The following ASIC2 variants were observed in gnomAD, a reference collection of about 807,000 sequenced individuals.
ASIC2 encodes acid sensing ion channel subunit 2.
In ASIC2, 25 loss-of-function variants were observed where a neutral mutation model predicts 57.3. The ratio of observed to expected loss-of-function variants is 0.44; its 90% CI spans 0.32 to 0.61. ASIC2 has a LOEUF of 0.61. ASIC2 is among the 20% of genes least tolerant of loss of function. ASIC2 has a pLI of 0.06. For missense variants in ASIC2, 641 were observed against 738.1 expected (o/e 0.87, Z 1.52); for synonymous variants, 319 against 307.5 (o/e 1.04, Z -0.39).
At chr17:33,380,762 T>C (rs1909459643) in intron 1 of ASIC2, among the ~76,000 whole-genome samples, 1 of 152,212 alleles carries the variant, frequency 6.6e-6, no homozygotes, top group East Asian at 1.9e-4. Context: ...GGTCTGCATT[T>C]TTAAAAGGCG....
At chr17:33,514,952 C>T (rs1288611275) in intron 1 of ASIC2, among the ~76,000 whole-genome samples, 1 of 152,228 alleles carries the variant, frequency 6.6e-6, no homozygotes, top group African/African-American at 2.4e-5. Flanking sequence ...TTCTTTCTCA[C>T]CTCCTGCCAA....
chr17:33,200,095 G>A (rs575255455), intron 1 of ASIC2, among the ~76,000 whole-genome samples: 136 of 152,214 alleles, frequency 8.9e-4, no homozygotes, highest in African/African-American at 3.2e-3. Flanking sequence ...TTTACCCTTA[G>A]GGGAAGCTGA....
intron 1 of ASIC2, among the ~76,000 whole-genome samples, chr17:34,116,764 T>C (rs1020271356): frequency 2.0e-5 from 3 of 152,170 alleles, no homozygotes; most frequent in Non-Finnish European, 4.4e-5. Flanking sequence ...CATGATTCTG[T>C]TAAGAATCTT....
At chr17:33,828,498 G>T (rs1183441865) in intron 1 of ASIC2, 2 of 152,168 alleles carry the variant, frequency 1.3e-5, no homozygotes, top group East Asian at 3.9e-4. Flanking sequence ...ACACAAGAAA[G>T]AGGTAAGATT....
chr17:34,097,871 C>T (rs1910603499), intron 1 of ASIC2, among the ~76,000 whole-genome samples: 1 of 152,072 alleles, frequency 6.6e-6, no homozygotes, highest in African/African-American at 2.4e-5. Context: ...TCTGAGGCCC[C>T]AGAATTAACA....
At chr17:33,963,606 T>C (rs1567770939) in intron 1 of ASIC2, among the ~76,000 whole-genome samples, 3 of 151,944 alleles carry the variant, frequency 2.0e-5, no homozygotes, top group African/African-American at 7.2e-5. Flanking sequence ...AATTATGTTA[T>C]TGTTATATTA....
At chr17:34,099,426 A>C (rs1406584558) in intron 1 of ASIC2, among the ~76,000 whole-genome samples, 1 of 136,192 alleles carries the variant, frequency 7.3e-6, no homozygotes, top group Non-Finnish European at 1.6e-5. Context: ...AAAGAATGAA[A>C]GAAAGAAGAA....
intron 1 of ASIC2, among the ~76,000 whole-genome samples, chr17:33,334,367 C>A (rs574386391): frequency 2.9e-4 from 44 of 152,284 alleles, no homozygotes; most frequent in Non-Finnish European, 5.6e-4. Flanking sequence ...CTGCCTGGAT[C>A]CAGAGCTCAT....
chr17:33,446,067 A>G (rs1471616714), intron 1 of ASIC2, among the ~76,000 whole-genome samples: 1 of 151,938 alleles, frequency 6.6e-6, no homozygotes, highest in Non-Finnish European at 1.5e-5. Context: ...TGACTGGAAG[A>G]TGGAGTAGGA....
chr17:33,325,256 A>G (rs1361480947), intron 1 of ASIC2, among the ~76,000 whole-genome samples: 1 of 152,214 alleles, frequency 6.6e-6, no homozygotes, highest in East Asian at 1.9e-4. Context: ...ACTGATAGGG[A>G]GAAGGAGAGG....
intron 1 of ASIC2, among the ~76,000 whole-genome samples, chr17:34,080,725 C>T (rs1456369577): frequency 6.6e-6 from 1 of 152,186 alleles, no homozygotes; most frequent in Non-Finnish European, 1.5e-5. Flanking sequence ...TTACTTTGAT[C>T]CCTTCAGTTT....
intron 1 of ASIC2, among the ~76,000 whole-genome samples, chr17:33,338,054 G>T (rs144929127): frequency 6.6e-6 from 1 of 151,042 alleles, no homozygotes; most frequent in Admixed American, 6.6e-5. Context: ...AGAGGATGGA[G>T]ATGTTCCTTC....
At chr17:33,991,814 C>T (rs1056319416) in intron 1 of ASIC2, among the ~76,000 whole-genome samples, 1 of 152,178 alleles carries the variant, frequency 6.6e-6, no homozygotes, top group Non-Finnish European at 1.5e-5. Flanking sequence ...ACAATTACAG[C>T]CTGAGAGGAT....
At chr17:33,789,006 A>G (rs765755220) in intron 1 of ASIC2, among the ~76,000 whole-genome samples, 10 of 152,164 alleles carry the variant, frequency 6.6e-5, no homozygotes, top group Admixed American at 3.9e-4. Flanking sequence ...CATTCTGCAC[A>G]TGTATCCCAT....
chr17:33,231,239 G>A (rs527261314), intron 1 of ASIC2, among the ~76,000 whole-genome samples: 16 of 152,186 alleles, frequency 1.1e-4, no homozygotes, highest in South Asian at 4.1e-4. Flanking sequence ...CTGGCTAGGT[G>A]TTCATCTTCC....
chr17:34,110,537 G>A (rs1348954658), intron 1 of ASIC2, among the ~76,000 whole-genome samples: 1 of 152,208 alleles, frequency 6.6e-6, no homozygotes, highest in Non-Finnish European at 1.5e-5. Flanking sequence ...GGCTGTAGCT[G>A]CAGAGGGCTG....
intron 1 of ASIC2, among the ~76,000 whole-genome samples, chr17:33,863,900 G>GTTTTTTTTTTT: frequency 1.4e-5 from 1 of 72,494 alleles, no homozygotes; most frequent in African/African-American, 4.8e-5. Flanking sequence ...CTCTTTTTTT[G>GTTTTTTTTTTT]TTTTTTTTTT....
chr17:33,589,057 A>G (rs188068310), intron 1 of ASIC2, among the ~76,000 whole-genome samples: 11 of 152,316 alleles, frequency 7.2e-5, no homozygotes, highest in Admixed American at 2.6e-4. Flanking sequence ...AACATATACT[A>G]TACATTTTAA....
chr17:34,150,748 G>A (rs923927826), intron 1 of ASIC2, among the ~76,000 whole-genome samples: 8 of 152,262 alleles, frequency 5.3e-5, no homozygotes, highest in African/African-American at 1.4e-4. Context: ...TCCTGGAGAA[G>A]GCTACAGTGA....
Sources: allele counts gnomAD v4.1 joint callset (sites outside exome capture counted in the v4.1 genomes callset), GRCh38; gene constraint gnomAD v4.1.1; transcripts MANE v1.5; gene names NCBI Gene and HGNC (gene_info 2026-07-23, HGNC 2026-07-21).